FOXP2: variants seen among roughly 807,000 people sequenced by gnomAD.
FOXP2 encodes the protein forkhead box protein P2.
FOXP2 carries 12 observed loss-of-function variants against 115.8 expected under a neutral mutation model. The observed-to-expected ratio is 0.10, with a 90% confidence interval of 0.07 to 0.17. The LOEUF is 0.17. Ranked by LOEUF, FOXP2 falls within the 10% of genes least tolerant of loss-of-function variation. FOXP2 has a pLI of 1.00. For missense variants in FOXP2, 629 were observed against 843.5 expected, an observed-to-expected ratio of 0.75 and a Z score of 3.15; for synonymous variants, 328 against 297.7, an observed-to-expected ratio of 1.10 and a Z score of -1.05.
chr7:114,322,599 A>C (rs1037045818), intron 2 of FOXP2, among the ~76,000 whole-genome samples: 5 of 152,060 alleles, frequency 3.3e-5, no homozygotes, highest in African/African-American at 1.2e-4. Context: ...CATTTTTTTC[A>C]ATTTTGCAGA....
chr7:114,236,327 T>C (rs759151954), intron 1 of FOXP2, among the ~76,000 whole-genome samples: 18 of 152,236 alleles, frequency 1.2e-4, no homozygotes, highest in Non-Finnish European at 2.4e-4. Flanking sequence ...AGGCTGTTTG[T>C]ATTATATTTG....
chr7:114,389,358 C>G (rs1584687768), intron 2 of FOXP2, among the ~76,000 whole-genome samples: 1 of 152,228 alleles, frequency 6.6e-6, no homozygotes, highest in East Asian at 1.9e-4. Context: ...GATTGGAACC[C>G]AAACATGTGA....
At chr7:114,275,361 C>T (rs981580365) in intron 1 of FOXP2, among the ~76,000 whole-genome samples, 1 of 151,988 alleles carries the variant, frequency 6.6e-6, no homozygotes, top group Non-Finnish European at 1.5e-5. Flanking sequence ...AATCTTTATT[C>T]TCTTTGCTTT....
chr7:114,456,302 G>A (rs17137034), intron 2 of FOXP2, among the ~76,000 whole-genome samples: 2,499 of 152,182 alleles, frequency 0.016, 71 homozygotes, highest in African/African-American at 0.056. Flanking sequence ...AGAGCCCTGC[G>A]GTGTAATCAA....
At chr7:114,221,698 A>G (rs1794627018) in intron 1 of FOXP2, among the ~76,000 whole-genome samples, 1 of 152,136 alleles carries the variant, frequency 6.6e-6, no homozygotes, top group Non-Finnish European at 1.5e-5. Flanking sequence ...GCTTTTTGCT[A>G]TATCACTTCT....
At chr7:114,495,036 C>T (rs1423292329) in intron 2 of FOXP2, among the ~76,000 whole-genome samples, 1 of 152,178 alleles carries the variant, frequency 6.6e-6, no homozygotes, top group East Asian at 1.9e-4. Flanking sequence ...GGTAGCATTA[C>T]ACACACAATC....
chr7:114,627,755 A>T (rs1395109401), intron 3 of FOXP2, among the ~76,000 whole-genome samples: 1 of 152,110 alleles, frequency 6.6e-6, no homozygotes, highest in Admixed American at 6.6e-5. Flanking sequence ...TACTTTTATT[A>T]TTTTCAGTTT....
chr7:114,502,182 G>A (rs1172281996), intron 2 of FOXP2, among the ~76,000 whole-genome samples: 3 of 151,936 alleles, frequency 2.0e-5, no homozygotes, highest in Admixed American at 1.3e-4. Context: ...TGGTCATTCA[G>A]CATACTTAAG....
At chr7:114,289,985 C>A (rs1204258410) in intron 2 of FOXP2, among the ~76,000 whole-genome samples, 2 of 151,740 alleles carry the variant, frequency 1.3e-5, no homozygotes, top group Non-Finnish European at 2.9e-5. Context: ...GAGTTTGCAT[C>A]CTTGTTGCTA....
intron 16 of FOXP2, among the ~76,000 whole-genome samples, chr7:114,680,661 T>C (rs1437242210): frequency 6.6e-6 from 1 of 151,778 alleles, no homozygotes; most frequent in Admixed American, 6.6e-5. Flanking sequence ...GGAGAATCAC[T>C]TGAACCCGGG....
chr7:114,493,619 C>T (rs914589159), intron 2 of FOXP2, among the ~76,000 whole-genome samples: 1 of 151,942 alleles, frequency 6.6e-6, no homozygotes, highest in Non-Finnish European at 1.5e-5. Context: ...GGAGAAAATA[C>T]CCAGAAGCAC....
chr7:114,117,940 T>G (rs893322496), intron 1 of FOXP2, among the ~76,000 whole-genome samples: 1 of 152,024 alleles, frequency 6.6e-6, no homozygotes, highest in Non-Finnish European at 1.5e-5. Context: ...CTTATAAGGG[T>G]CACTATTCCC....
At chr7:114,088,180 T>C (rs1380717914) in intron 1 of FOXP2, 1 of 148,336 alleles carries the variant, frequency 6.7e-6, no homozygotes, top group Admixed American at 6.7e-5. Context: ...TAAAATCCAG[T>C]AAGTTTCTTG....
chr7:114,527,849 C>A (rs954588401), intron 2 of FOXP2, among the ~76,000 whole-genome samples: 2 of 152,090 alleles, frequency 1.3e-5, no homozygotes, highest in Non-Finnish European at 2.9e-5. Flanking sequence ...GACAGTACCT[C>A]TCATGATTCT....
intron 2 of FOXP2, among the ~76,000 whole-genome samples, chr7:114,448,516 T>C (rs1794931886): frequency 6.6e-6 from 1 of 152,124 alleles, no homozygotes; most frequent in Admixed American, 6.6e-5. Context: ...AAAAATGAAA[T>C]TTAAAGTTAA....
intron 3 of FOXP2, among the ~76,000 whole-genome samples, chr7:114,615,609 T>C (rs1282377889): frequency 6.6e-6 from 1 of 152,240 alleles, no homozygotes; most frequent in East Asian, 1.9e-4. Flanking sequence ...GCCTCCTCAC[T>C]GTGCCTTCAA....
chr7:114,292,684 T>C (rs976734434), intron 2 of FOXP2, among the ~76,000 whole-genome samples: 5 of 152,172 alleles, frequency 3.3e-5, no homozygotes, highest in Non-Finnish European at 5.9e-5. Flanking sequence ...CTAGGACTTT[T>C]TCTGCATAGT....
intron 1 of FOXP2, among the ~76,000 whole-genome samples, chr7:114,416,620 A>G (rs999985747): frequency 2.0e-5 from 3 of 151,332 alleles, no homozygotes; most frequent in Non-Finnish European, 2.9e-5. Flanking sequence ...CTTATTTTCG[A>G]TTGTTCCTTA....
chr7:114,682,564 T>C (rs1461685910), intron 16 of FOXP2, among the ~76,000 whole-genome samples: 1 of 152,192 alleles, frequency 6.6e-6, no homozygotes, highest in Non-Finnish European at 1.5e-5. Context: ...GTGTAACACA[T>C]GGCACCTTGA....
Sources: gnomAD v4.1 joint callset for allele counts (sites outside exome capture counted in the v4.1 genomes callset) on GRCh38, gnomAD v4.1.1 for gene constraint, MANE v1.5 for transcripts, NCBI Gene and HGNC (gene_info 2026-07-23, HGNC 2026-07-21) for gene names.